Variants in TAF1D observed in about 807,000 individuals in gnomAD.
TAF1D encodes TATA box-binding protein-associated factor RNA polymerase I subunit D.
A neutral mutation model predicts 26.2 loss-of-function variants in TAF1D; 23 were observed. The observed-to-expected ratio is 0.88, with a 90% CI of 0.63 to 1.25. The LOEUF is 1.25. Among genes scored for constraint, TAF1D ranks in the 50% most tolerant of loss-of-function variants. The pLI, the probability that TAF1D is intolerant of heterozygous loss-of-function variation, is 0.00. For synonymous variants in TAF1D, 100 were observed against 105.6 expected, an observed-to-expected ratio of 0.95 and a Z score of 0.33; for missense variants, 299 against 322.0, an observed-to-expected ratio of 0.93 and a Z score of 0.55.
Position 93,738,267 on chromosome 11 carries a change from G to A in TAF1D, c.301C>T (p.Pro101Ser). The change falls in exon 3 of 6, where the codon CCA (proline) becomes TCA (serine). Residue 101 changes from proline (P) to serine (S), a missense_variant. Coordinates refer to ENST00000448108, the MANE Select transcript of TAF1D (RefSeq NM_024116.4). ...YKKKKKRRYQ[P>S]TGRPRGRPEG... ...GGTCTTCCCCGTGGTCTTCCTGTTG[G>A]CTGGTACCTCCTCTTTTTCTTTTTT... The A allele has an allele frequency of 6.2e-7, 1 of 1,612,214 alleles. No individual in the cohort carries two copies. Among genetic ancestry groups the A allele is most frequent in the Admixed American group, 1.7e-5 (1 of 59,532 alleles).
At chr11:93,741,127 C>T (rs1484711214) in intron 1 of TAF1D, among the ~76,000 whole-genome samples, 195 bp downstream of exon 1, 1 of 152,286 alleles carries the variant, frequency 6.6e-6, no homozygotes, top group Non-Finnish European at 1.5e-5. Flanking sequence ...CCCGTCCACA[C>T]TACAACCACG....
intron 5 of TAF1D, 130 bp from the exon 6 acceptor site, chr11:93,736,434 A>T: frequency 1.4e-6 from 2 of 1,423,214 alleles, no homozygotes; most frequent in Non-Finnish European, 1.8e-6. Context: ...AATCCAAATT[A>T]ACATTGCTTA....
At chr11:93,740,280 C>CA (rs1180229956) in intron 1 of TAF1D, among the ~76,000 whole-genome samples, 3 of 151,622 alleles carry the variant, frequency 2.0e-5, no homozygotes, top group East Asian at 1.9e-4. Context: ...CTTGTCTCTA[C>CA]AAAAAATTCT....
rs1315330014 is a variant in TAF1D, at chr11:93,738,194, T to G, written c.374A>C (p.Gln125Pro). 1 of 1,592,020 alleles carries G rather than the reference T, an allele frequency of 6.3e-7. No individual in the cohort carries two copies. Among genetic ancestry groups the G allele is most frequent in the Admixed American group, 1.9e-5 (1 of 53,900 alleles). The change falls in exon 3 of 6, where the codon CAA (glutamine) becomes CCA (proline). Residue 125 changes from glutamine (Q) to proline (P), a missense_variant. Physicochemically the swap from Gln to Pro is moderately conservative, Grantham distance 76. Transcript: ENST00000448108. The stretch of plus-strand genomic sequence containing the variant: ...GAAGCCAGATCCTCTGCTTCTAAAT[T>G]GTTTCTTCTTATCTATTAGTGAGTA... Reference protein sequence around the residue: ...PIYSLIDKKKQFRSRGSGFPF... With the variant: ...PIYSLIDKKKPFRSRGSGFPF...
At chr11:93,736,805 G>C in intron 4 of TAF1D, 54 bp from the exon 5 acceptor site, 1 of 1,542,894 alleles carries the variant, frequency 6.5e-7, no homozygotes, top group South Asian at 1.2e-5. Flanking sequence ...GACCTAATTA[G>C]TTGTATATTC....
Position 93,741,447 on chromosome 11 carries a change from C to A in TAF1D, c.-153G>T. 2.2e-6 allele frequency: 1 copy of A among 456,224 alleles called. No individual in the cohort carries two copies. Among genetic ancestry groups the A allele is most frequent in the Non-Finnish European group, 4.4e-6 (1 of 226,950 alleles). The allele number at this position is 456,224 out of a possible 1,614,324, so 28.3% of individuals were successfully genotyped here. A position where few individuals can be genotyped will look rare whatever the true frequency, so the allele number is the denominator to read the frequency against. ...ACACCACCCTCCCGACCTCAGCCCT[C>A]CAACTCCCGATAACCAGCCGACCTC... On this transcript the variant is annotated 5_prime_UTR_variant, in exon 1 of 6. Coordinates refer to ENST00000448108, the MANE Select transcript of TAF1D (RefSeq NM_024116.4).
At chr11:93,731,594 A>G (rs746672177), downstream of TAF1D, 14 of 518,494 alleles carry the variant, frequency 2.7e-5, no homozygotes, top group Non-Finnish European at 5.4e-5. Context: ...AAGTTTAAAC[A>G]CATAATAACG....
At position 93,741,434 on chromosome 11, in the gene TAF1D, C is replaced by T. The variant is rs180962491; in HGVS notation, c.-140G>A. Reference sequence around the variant, plus strand: ...TAGAGCTCTGTACACACCACCCTCCCGACCTCAGCCCTCCAACTCCCGATA... The same window carrying T: ...TAGAGCTCTGTACACACCACCCTCCTGACCTCAGCCCTCCAACTCCCGATA... On this transcript the variant is annotated 5_prime_UTR_variant, in exon 1 of 6. Coordinates refer to ENST00000448108, the MANE Select transcript of TAF1D (RefSeq NM_024116.4). 90 of 456,286 alleles carry T rather than the reference C, an allele frequency of 2.0e-4. No homozygotes were observed. Among genetic ancestry groups the T allele is most frequent in the African/African-American group, 1.7e-3 (83 of 50,198 alleles). 28.3% of individuals were successfully genotyped at this position (456,286 alleles called of 1,614,324 possible).
intron 1 of TAF1D, among the ~76,000 whole-genome samples, chr11:93,739,985 A>G (rs1941540574): frequency 6.7e-6 from 1 of 149,646 alleles, no homozygotes; most frequent in African/African-American, 2.4e-5. Flanking sequence ...AAAAAAAAGA[A>G]AAAGATTCCT....
chr11:93,739,325 C>T lies in TAF1D; in HGVS notation c.-21G>A. ...TCCATCAATTGCTCTTTGTTTTAAACAGTTTTCTGAAATTATGAAATTTAG... is the reference window on the plus strand; with the variant it reads ...TCCATCAATTGCTCTTTGTTTTAAATAGTTTTCTGAAATTATGAAATTTAG... On this transcript the variant is annotated 5_prime_UTR_variant, in exon 2 of 6. Transcript: ENST00000448108. The T allele has an allele frequency of 6.2e-7, 1 of 1,601,414 alleles. No individual in the cohort carries two copies. The highest frequency in any genetic ancestry group is 8.5e-7 in the Non-Finnish European group (1 of 1,175,242).
chr11:93,738,683 C>T (rs1941234341), intron 2 of TAF1D, among the ~76,000 whole-genome samples, 184 bp from the exon 3 acceptor site: 2 of 152,242 alleles, frequency 1.3e-5, no homozygotes, highest in South Asian at 2.1e-4. Context: ...TTTAAATAGC[C>T]CATAATGCTA....
At chr11:93,733,600 C>A (rs375231881), downstream of TAF1D, 99 of 512,276 alleles carry the variant, frequency 1.9e-4, no homozygotes, top group Non-Finnish European at 3.6e-4. Context: ...ACCTCAACCA[C>A]TATTTACAAG....
At chr11:93,733,371 G>A (rs188046592), downstream of TAF1D, 1 of 518,908 alleles carries the variant, frequency 1.9e-6, no homozygotes, top group Admixed American at 1.9e-5. Context: ...CTCAAGAATG[G>A]TACAGATGTG....
chr11:93,736,106 C>A lies in TAF1D; in HGVS notation c.*55G>T. 6 of 1,605,822 alleles carry A rather than the reference C, an allele frequency of 3.7e-6. No individual in the cohort carries two copies. The South Asian group carries it at 6.7e-5, about 18-fold the overall frequency. The stretch of plus-strand genomic sequence containing the variant: ...ACATATATCCACATTTATCTTTATT[C>A]ATTTCTATGAAGTCGTTTTTTCTAT... On this transcript the variant is annotated 3_prime_UTR_variant, in exon 6 of 6. Transcript: ENST00000448108.
rs370421925 is a variant in TAF1D, at chr11:93,736,206, T to A, written c.792A>T (p.Arg264Ser). ...GTCCAGTATTTTTGGCTTTTGTAGC[T>A]CTCTTTTTAGACAAAGCAGCTTCTT... ...ITEEAALSKK[R>S]ATKAKNTGQR... The change falls in exon 6 of 6, where the codon AGA becomes AGT. Residue 264 changes from arginine (R) to serine (S), a missense_variant. By Grantham distance (110) the Arg-to-Ser change is moderately radical. Transcript: ENST00000448108. 2.5e-6 allele frequency: 4 copies of A among 1,613,520 alleles called. No homozygotes were observed. In the African/African-American group the frequency reaches 5.3e-5, roughly 22 times the overall value.
chr11:93,737,711 A>G (rs966823235), intron 3 of TAF1D, among the ~76,000 whole-genome samples: 2 of 152,210 alleles, frequency 1.3e-5, no homozygotes, highest in African/African-American at 4.8e-5. Flanking sequence ...TTGGCTTAGA[A>G]ACATCTAGGC....
chr11:93,735,175 T>C (rs775531164), downstream of TAF1D: 1 of 1,351,894 alleles, frequency 7.4e-7, no homozygotes, highest in African/African-American at 1.5e-5. Context: ...CAAAAGAGGA[T>C]TTATTTTTTG....
At chr11:93,733,330 T>A (rs901338427), downstream of TAF1D, 2 of 519,026 alleles carry the variant, frequency 3.9e-6, no homozygotes, top group Admixed American at 1.9e-5. Flanking sequence ...AAGATTATAC[T>A]GTCACCAATT....
In TAF1D at chr11:93,736,739, CTCA is replaced by C. The variant is rs1211585997; in HGVS notation, c.645_647del (p.Asp215del). On this transcript the variant is annotated inframe_deletion, in exon 5 of 6. Coordinates refer to ENST00000448108, the MANE Select transcript of TAF1D (RefSeq NM_024116.4). Reference sequence around the variant, plus strand: ...CGTTATCTTCAAGATGTGTTGCATCCTCATCCTCTGCTCTGTAATATTAAAATT... The same window carrying C: ...CGTTATCTTCAAGATGTGTTGCATCCTCCTCTGCTCTGTAATATTAAAATT... 5 of 1,610,772 alleles carry C rather than the reference CTCA, an allele frequency of 3.1e-6. No homozygotes were observed. The South Asian group carries it at 5.5e-5, about 18-fold the overall frequency.
Sources: allele counts gnomAD v4.1 joint callset (sites outside exome capture counted in the v4.1 genomes callset), GRCh38; gene constraint gnomAD v4.1.1; transcripts MANE v1.5; gene names NCBI Gene and HGNC (gene_info 2026-07-23, HGNC 2026-07-21).